ARHGEF40: variants seen among roughly 807,000 people sequenced by gnomAD.
ARHGEF40 encodes Rho guanine nucleotide exchange factor 40, also known as Rho guanine nucleotide exchange factor (GEF) 40.
Under a neutral mutation model 165.9 loss-of-function variants are expected in ARHGEF40, and 98 were observed. The observed-to-expected ratio is 0.59, with a 90% CI of 0.50 to 0.70. The LOEUF (loss-of-function observed/expected upper bound fraction) is 0.70. Among genes scored for constraint, ARHGEF40 ranks in the 30% least tolerant of loss-of-function variants. The probability of loss-of-function intolerance (pLI) is 0.00; values close to 1 mark genes in which losing one functional copy is unlikely to be tolerated. For synonymous variants in ARHGEF40, 792 were observed against 814.3 expected, an observed-to-expected ratio of 0.97 and a Z score of 0.47; for missense variants, 1,815 against 1,968.0, an observed-to-expected ratio of 0.92 and a Z score of 1.47.
Position 21,087,089 on chromosome 14 carries a change from C to T in ARHGEF40, c.4227C>T (p.Ala1409=). ...IKALGERTLS[A]LLTGRAARTR... ...CCCTTGGGGAGCGGACGCTGAGTGC[C>T]CTGCTCACTGGAAGAGGTGAGGGCC... Residue 1409 remains alanine (A), a synonymous_variant, in exon 20 of 24, where the codon GCC becomes GCT. Coordinates refer to ENST00000298694, the MANE Select transcript of ARHGEF40 (RefSeq NM_018071.5). 1 of 1,608,310 alleles carries T rather than the reference C, an allele frequency of 6.2e-7. No individual in the cohort carries two copies. The highest frequency in any genetic ancestry group is 8.5e-7 in the Non-Finnish European group (1 of 1,177,218).
rs1479412616 is a variant in ARHGEF40, at chr14:21,072,564, T to C, written c.4-481T>C. On this transcript the variant is annotated intron_variant, in intron 1 of 23. Transcript: ENST00000298694. The surrounding 1 kb of genome is among the most constrained non-coding windows in gnomAD (Gnocchi z 4.1). ...CCAAATGATCATCTCTGGGACATAATTGTGGGTGATGGCACCTCCACCTAA... is the reference window on the plus strand; with the variant it reads ...CCAAATGATCATCTCTGGGACATAACTGTGGGTGATGGCACCTCCACCTAA... Among the ~76,000 whole-genome samples, 1 of 152,162 alleles carries C rather than the reference T, an allele frequency of 6.6e-6. No individual in the cohort carries two copies. Among genetic ancestry groups the C allele is most frequent in the African/African-American group, 2.4e-5 (1 of 41,428 alleles).
rs1038756276 is a variant in ARHGEF40, at chr14:21,070,543, C to T, written c.3+144C>T. 9.4e-7 allele frequency: 1 copy of T among 1,060,196 alleles called. No homozygotes were observed. Among genetic ancestry groups the T allele is most frequent in the African/African-American group, 1.6e-5 (1 of 62,846 alleles). The allele number at this position is 1,060,196 out of a possible 1,614,324, so 65.7% of individuals were successfully genotyped here. The stretch of plus-strand genomic sequence containing the variant: ...ACTCTCCTCCCTCCCATCCCCCCTT[C>T]TTCGATTTGTCTGTCTGCCCGACTG... On this transcript the variant is annotated intron_variant, in intron 1 of 23. Coordinates refer to ENST00000298694, the MANE Select transcript of ARHGEF40 (RefSeq NM_018071.5). This position sits in a 1 kb window ranked among gnomAD's most constrained non-coding sequence, Gnocchi z 4.7.
chr14:21,081,240 C>G (rs759342053), intron 13 of ARHGEF40: 3 of 813,178 alleles, frequency 3.7e-6, no homozygotes, highest in African/African-American at 3.5e-5. Context: ...GGGGATTACA[C>G]GAGGCAATAC....
chr14:21,068,124 C>T (rs1295522590), upstream of ARHGEF40, among the ~76,000 whole-genome samples: 7 of 46,926 alleles, frequency 1.5e-4, 1 homozygote, highest in African/African-American at 2.8e-4. Flanking sequence ...CTCAGCCTCC[C>T]GAGTAGCTGG....
At position 21,084,776 on chromosome 14, in the gene ARHGEF40, G is replaced by A. The variant is rs1307488967; in HGVS notation, c.3813G>A (p.Gln1271=). The A allele has an allele frequency of 6.2e-7, 1 of 1,613,938 alleles. No individual in the cohort carries two copies. Among genetic ancestry groups the A allele is most frequent in the Non-Finnish European group, 8.5e-7 (1 of 1,180,002 alleles). Residue 1271 remains glutamine, a synonymous_variant, in exon 18 of 24, where the codon CAG becomes CAA. Coordinates refer to ENST00000298694, the MANE Select transcript of ARHGEF40 (RefSeq NM_018071.5). ...AGATAGATCTGAAGGAGCAGGGACAGCTCTTGCATCGAGACCCCTTCACTG... is the reference window on the plus strand; with the variant it reads ...AGATAGATCTGAAGGAGCAGGGACAACTCTTGCATCGAGACCCCTTCACTG... ...GCEIDLKEQG[Q]LLHRDPFTVI...
the ARHGEF40 span, among the ~76,000 whole-genome samples, chr14:21,063,918 C>A: frequency 3.9e-5 from 6 of 152,172 alleles, no homozygotes; most frequent in Non-Finnish European, 7.3e-5. Context: ...TCTAAGTATT[C>A]AAAACTCCCT....
chr14:21,083,763 C>A, intron 16 of ARHGEF40, 72 bp from the exon 17 acceptor site: 8 of 1,420,948 alleles, frequency 5.6e-6, no homozygotes, highest in Non-Finnish European at 7.7e-6. Flanking sequence ...CACCCACCTA[C>A]CCCCCAACCC....
chr14:21,086,867 T>A lies in ARHGEF40; in HGVS notation c.4139-134T>A, dbSNP rs142583984. 20 of 650,388 alleles carry A rather than the reference T, an allele frequency of 3.1e-5. No homozygotes were observed. The African/African-American group carries it at 3.7e-4, about 12-fold the overall frequency. 40.3% of individuals were successfully genotyped at this position (650,388 alleles called of 1,614,324 possible). On this transcript the variant is annotated intron_variant, in intron 19 of 23. Transcript: ENST00000298694. ...TCAACAGAAGGAGTAAAAAGAGACA[T>A]CAGAGGAATGAAAGGGAGGAATGAG...
In ARHGEF40 at chr14:21,081,674, C is replaced by A. The variant is rs774556289; in HGVS notation, c.2806C>A (p.Arg936=). ...ALDLGSPAAL[R]EWGRCQARCQ... ...GGACCTGGGCAGCCCAGCAGCCCTG[C>A]GAGAATGGGGCCGCTGCCAGGCCCG... Residue 936 remains arginine (R), a synonymous_variant, in exon 14 of 24, where the codon CGA becomes AGA. Coordinates refer to ENST00000298694, the MANE Select transcript of ARHGEF40 (RefSeq NM_018071.5). The A allele has an allele frequency of 6.4e-5, 103 of 1,597,068 alleles. No individual in the cohort carries two copies. In the South Asian group the frequency reaches 1.1e-3, roughly 16 times the overall value.
At position 21,082,234 on chromosome 14, in the gene ARHGEF40, G is replaced by T; in HGVS notation, c.3252-10G>T. Reference sequence around the variant, plus strand: ...CCACACCTCCTCTGCCACTCCTATTGTGCCTGCAGTGCCCAGCAGCGGCTG... The same window carrying T: ...CCACACCTCCTCTGCCACTCCTATTTTGCCTGCAGTGCCCAGCAGCGGCTG... On this transcript the variant is annotated splice_polypyrimidine_tract_variant and intron_variant, in intron 14 of 23. Transcript: ENST00000298694. The T allele has an allele frequency of 1.9e-6, 3 of 1,601,386 alleles. No homozygotes were observed. Among genetic ancestry groups the T allele is most frequent in the Non-Finnish European group, 2.6e-6 (3 of 1,171,322 alleles).
At chr14:21,086,782 G>T in intron 19 of ARHGEF40, 1 of 527,626 alleles carries the variant, frequency 1.9e-6, no homozygotes, top group Non-Finnish European at 3.4e-6. Context: ...ACATATTGGA[G>T]AGAAGAGCCA....
rs779797217 is a variant in ARHGEF40, at chr14:21,084,814, G to A, written c.3851G>A (p.Arg1284Gln). ...HRDPFTVICG[R>Q]KKCLRHVFLF... Reference sequence around the variant, plus strand: ...GACCCCTTCACTGTCATCTGTGGCCGAAAGAAGTGCCTTCGCCATGTCTTT... The same window carrying A: ...GACCCCTTCACTGTCATCTGTGGCCAAAAGAAGTGCCTTCGCCATGTCTTT... The change falls in exon 18 of 24, where the codon CGA (arginine) becomes CAA (glutamine). Residue 1284 changes from arginine to glutamine, a missense_variant. By Grantham distance (43) the Arg-to-Gln change is conservative. Coordinates refer to ENST00000298694, the MANE Select transcript of ARHGEF40 (RefSeq NM_018071.5). The A allele has an allele frequency of 1.4e-5, 23 of 1,614,208 alleles. No homozygotes were observed. Among genetic ancestry groups the A allele is most frequent in the Admixed American group, 3.3e-5 (2 of 60,026 alleles).
the ARHGEF40 span, among the ~76,000 whole-genome samples, chr14:21,065,160 A>C: frequency 4.7e-5 from 7 of 149,862 alleles, no homozygotes; most frequent in African/African-American, 1.7e-4. Context: ...GATGAGCAAA[A>C]CTCCATCTCA....
Position 21,070,914 on chromosome 14 carries a change from T to A in ARHGEF40, c.3+515T>A. On this transcript the variant is annotated intron_variant, in intron 1 of 23. Coordinates refer to ENST00000298694, the MANE Select transcript of ARHGEF40 (RefSeq NM_018071.5). The surrounding 1 kb of genome is among the most constrained non-coding windows in gnomAD (Gnocchi z 4.7). ...GGCCCTAGGGGACTGGCCACAGCTG[T>A]GGCTGGGCCGGGTCCCGGGGCATGG... 1 of 1,431,088 alleles carries A rather than the reference T, an allele frequency of 7.0e-7. No individual in the cohort carries two copies. The highest frequency in any genetic ancestry group is 9.5e-7 in the Non-Finnish European group (1 of 1,052,570). The allele number at this position is 1,431,088 out of a possible 1,614,324, so 88.6% of individuals were successfully genotyped here. A position where few individuals can be genotyped will look rare whatever the true frequency, so the allele number is the denominator to read the frequency against.
At chr14:21,061,754 G>C in the ARHGEF40 span, among the ~76,000 whole-genome samples, 2 of 152,178 alleles carry the variant, frequency 1.3e-5, no homozygotes, top group Non-Finnish European at 2.9e-5. Context: ...TTGTATTAAG[G>C]AATTTGTATT....
rs1888653033 is a variant in ARHGEF40, at chr14:21,089,504, GTTA to G, written c.*501_*503del. The G allele has an allele frequency of 6.6e-6, 1 of 152,652 alleles. No homozygotes were observed. Among genetic ancestry groups the G allele is most frequent in the African/African-American group, 2.4e-5 (1 of 41,426 alleles). 9.5% of individuals were successfully genotyped at this position (152,652 alleles called of 1,614,324 possible). Reference sequence around the variant, plus strand: ...CGTAGACTTTATATATGTAATTACTGTTATTATAATACTATTGTTATATTAAAT... The same window carrying G: ...CGTAGACTTTATATATGTAATTACTGTTATAATACTATTGTTATATTAAAT... On this transcript the variant is annotated 3_prime_UTR_variant, in exon 24 of 24. Transcript: ENST00000298694.
intron 17 of ARHGEF40, 139 bp from the exon 18 acceptor site, chr14:21,084,614 G>A: frequency 2.2e-6 from 2 of 902,600 alleles, no homozygotes; most frequent in South Asian, 1.7e-5. Flanking sequence ...TGGACCCTAG[G>A]CTGAGGGCTT....
chr14:21,072,196 G>A lies in ARHGEF40; in HGVS notation c.4-849G>A, dbSNP rs1886997373. Among the ~76,000 whole-genome samples the A allele has an allele frequency of 3.3e-5, 5 of 152,214 alleles. No individual in the cohort carries two copies. The South Asian group carries it at 1.0e-3, about 32-fold the overall frequency. ...GTCTCATTGACTCACTTAGGGAGGG[G>A]AGTCTGGATGAAGCAGGGCTGAGTC... On this transcript the variant is annotated intron_variant, in intron 1 of 23. Transcript: ENST00000298694. The surrounding 1 kb of genome is among the most constrained non-coding windows in gnomAD (Gnocchi z 4.1).
chr14:21,078,332 C>T (rs200375923), intron 9 of ARHGEF40, 41 bp from the exon 10 acceptor site: 17 of 1,597,546 alleles, frequency 1.1e-5, no homozygotes, highest in Non-Finnish European at 1.4e-5. Flanking sequence ...GGTGGAGACT[C>T]TCTGGTGGAA....
Sources: gnomAD v4.1 joint callset for allele counts (sites outside exome capture counted in the v4.1 genomes callset) on GRCh38, gnomAD v4.1.1 for gene constraint, Gnocchi (gnomAD v3.1) non-coding constraint, MANE v1.5 for transcripts, NCBI Gene and HGNC (gene_info 2026-07-23, HGNC 2026-07-21) for gene names.